ABCB5: variants seen among roughly 807,000 people sequenced by gnomAD.
The protein encoded by ABCB5 is ATP binding cassette subfamily B member 5, also known as ATP-binding cassette sub-family B member 5.
ABCB5 carries 155 observed loss-of-function variants against 144.2 expected under a neutral mutation model. The observed-to-expected ratio is 1.08, with a 90% CI of 0.94 to 1.23. ABCB5 has a LOEUF of 1.23. Among genes scored for constraint, ABCB5 ranks in the 50% most tolerant of loss-of-function variants. ABCB5 has a pLI of 0.00. For missense variants in ABCB5, 1,830 were observed against 1,520.8 expected, an observed-to-expected ratio of 1.20 and a Z score of -3.38; for synonymous variants, 610 against 528.6, an observed-to-expected ratio of 1.15 and a Z score of -2.11.
intron 15 of ABCB5, among the ~76,000 whole-genome samples, chr7:20,685,139 T>G (rs985914627): frequency 3.3e-5 from 5 of 152,210 alleles, no homozygotes; most frequent in Non-Finnish European, 5.9e-5. Flanking sequence ...GGGTGACGAC[T>G]GCACCTGGTC....
At chr7:20,685,951 A>T (rs1304255341) in intron 16 of ABCB5, 115 bp downstream of exon 16, 1 of 1,112,504 alleles carries the variant, frequency 9.0e-7, no homozygotes, top group Admixed American at 3.4e-5. Flanking sequence ...CACTAAGCTC[A>T]CAAAACATGT....
intron 20 of ABCB5, among the ~76,000 whole-genome samples, chr7:20,712,315 G>A (rs78059780): frequency 0.021 from 3,154 of 148,340 alleles, 277 homozygotes; most frequent in African/African-American, 0.07. Context: ...CTTTATCACT[G>A]ACTTTGAAAT....
Position 20,667,337 on chromosome 7 carries a change from A to G in ABCB5, c.1707+8661A>G, listed in dbSNP as rs151134174. 1.0e-5 allele frequency: 10 copies of G among 984,890 alleles called. No individual in the cohort carries two copies. In the African/African-American group the frequency reaches 1.7e-4, roughly 17 times the overall value. 61.0% of individuals were successfully genotyped at this position (984,890 alleles called of 1,614,324 possible). ...TATATATTAAAACACCTGTGAAGTG[A>G]ATCCCCTGTGAAGAAAAGAAGGTCT... On this transcript the variant is annotated intron_variant, in intron 14 of 27. Coordinates refer to ENST00000404938, the MANE Select transcript of ABCB5 (RefSeq NM_001163941.2).
chr7:20,709,880 A>AG, intron 20 of ABCB5, among the ~76,000 whole-genome samples: 1 of 145,632 alleles, frequency 6.9e-6, no homozygotes, highest in South Asian at 2.2e-4. Context: ...GTTAGACACC[A>AG]GGCTGCCAAC....
At chr7:20,621,151 G>C (rs974163855) in intron 1 of ABCB5, among the ~76,000 whole-genome samples, 10 of 152,062 alleles carry the variant, frequency 6.6e-5, no homozygotes, top group African/African-American at 2.4e-4. Flanking sequence ...AAAAAATATT[G>C]TATGATTCCA....
chr7:20,709,866 A>G (rs1002069686), intron 20 of ABCB5, among the ~76,000 whole-genome samples: 5 of 147,318 alleles, frequency 3.4e-5, no homozygotes, highest in Admixed American at 2.0e-4. Context: ...GGATCACCTG[A>G]GGTGTTAGAC....
rs1782689218 is a variant in ABCB5 at position 20,745,420 on chromosome 7, T to C, written c.3411T>C (p.Phe1137=). 2 of 1,614,198 alleles carry C rather than the reference T, an allele frequency of 1.2e-6. No homozygotes were observed. The highest frequency in any genetic ancestry group is 8.5e-7 in the Non-Finnish European group (1 of 1,180,046). Residue 1137 remains phenylalanine, a synonymous_variant, in exon 26 of 28, where the codon TTT becomes TTC. Transcript: ENST00000404938. ...EAANAANIHS[F]IEGLPEKYNT... is the part of the protein sequence containing the mutation. ...CAAATGCAGCAAATATCCATTCTTTTATTGAAGGTCTCCCTGAGGTAAGAA... is the reference window on the plus strand; with the variant it reads ...CAAATGCAGCAAATATCCATTCTTTCATTGAAGGTCTCCCTGAGGTAAGAA...
At chr7:20,669,728 A>AT (rs1785399636) in intron 14 of ABCB5, among the ~76,000 whole-genome samples, 1 of 109,458 alleles carries the variant, frequency 9.1e-6, no homozygotes, top group Non-Finnish European at 1.8e-5. Flanking sequence ...ATCAATAAAA[A>AT]AAAAAAAAAA....
intron 26 of ABCB5, 138 bp downstream of exon 26, chr7:20,745,576 C>A: frequency 1.1e-6 from 1 of 913,534 alleles, no homozygotes; most frequent in Non-Finnish European, 1.6e-6. Context: ...AGATGTAAAA[C>A]ATGAAGTCAG....
At chr7:20,656,192 T>TA (rs535311733) in intron 13 of ABCB5, among the ~76,000 whole-genome samples, 37 of 152,168 alleles carry the variant, frequency 2.4e-4, no homozygotes, top group African/African-American at 8.9e-4. Flanking sequence ...AATTAAAACT[T>TA]ACGAAAAAAT....
At chr7:20,708,702 A>C (rs541602830) in intron 20 of ABCB5, among the ~76,000 whole-genome samples, 1 of 152,336 alleles carries the variant, frequency 6.6e-6, no homozygotes, top group Admixed American at 6.5e-5. Flanking sequence ...ATGCATGATA[A>C]ATTCAATTAC....
intron 4 of ABCB5, among the ~76,000 whole-genome samples, chr7:20,629,516 C>G (rs1035363305): frequency 2.6e-5 from 4 of 152,050 alleles, no homozygotes; most frequent in Non-Finnish European, 5.9e-5. Context: ...TAATCCTGCA[C>G]TTTGGGAGGC....
chr7:20,619,204 C>A (rs1236428252), intron 1 of ABCB5, among the ~76,000 whole-genome samples: 1 of 151,952 alleles, frequency 6.6e-6, no homozygotes, highest in East Asian at 1.9e-4. Context: ...GATTTATTTT[C>A]CTTTGGAATT....
In ABCB5 at chr7:20,698,552, T is replaced by C; in HGVS notation, c.2154+2T>C. The stretch of plus-strand genomic sequence containing the variant: ...ATCATCTTTGCAAAAATTATAACCG[T>C]AAGTAAAATAAATTTGCTAATACTT... On this transcript the variant is annotated splice_donor_variant, in intron 17 of 27. Transcript: ENST00000404938. LOFTEE classifies it high-confidence loss of function. The C allele has an allele frequency of 6.3e-7, 1 of 1,586,336 alleles. No individual in the cohort carries two copies. The highest frequency in any genetic ancestry group is 8.5e-7 in the Non-Finnish European group (1 of 1,171,322).
intron 13 of ABCB5, 120 bp downstream of exon 13, chr7:20,651,743 G>T: frequency 1.9e-6 from 2 of 1,080,936 alleles, no homozygotes; most frequent in African/African-American, 1.6e-5. Context: ...ATTCTGGATT[G>T]TCCTAGAACA....
At chr7:20,625,066 T>A (rs1396998912) in intron 2 of ABCB5, among the ~76,000 whole-genome samples, 1 of 152,190 alleles carries the variant, frequency 6.6e-6, no homozygotes, top group East Asian at 1.9e-4. Context: ...ACAACTTTTA[T>A]CAAGAGAAGA....
intron 26 of ABCB5, among the ~76,000 whole-genome samples, chr7:20,749,959 A>C (rs1782865205): frequency 6.6e-6 from 1 of 152,248 alleles, no homozygotes; most frequent in Non-Finnish European, 1.5e-5. Context: ...GAGTATATAA[A>C]GCTATGGTAT....
chr7:20,628,083 T>C (rs1295476672), intron 3 of ABCB5, among the ~76,000 whole-genome samples: 1 of 152,192 alleles, frequency 6.6e-6, no homozygotes, highest in Non-Finnish European at 1.5e-5. Context: ...TATGTATACA[T>C]GTGCCATGTT....
Position 20,681,525 on chromosome 7 carries a change from A to C in ABCB5, c.1728A>C (p.Thr576=). Residue 576 remains threonine (T), a synonymous_variant, in exon 15 of 28, where the codon ACA becomes ACC. Coordinates refer to ENST00000404938, the MANE Select transcript of ABCB5 (RefSeq NM_001163941.2). The part of the protein sequence containing the change: ...ALEKASKGRT[T]IVVAHRLSTI... The stretch of plus-strand genomic sequence containing the variant: ...TGTAGGCGAGCAAAGGTCGGACTAC[A>C]ATCGTGGTAGCACACCGACTTTCTA... The C allele has an allele frequency of 6.2e-7, 1 of 1,614,224 alleles. No homozygotes were observed. Among genetic ancestry groups the C allele is most frequent in the East Asian group, 2.2e-5 (1 of 44,886 alleles).
Sources: gnomAD v4.1 joint callset for allele counts (sites outside exome capture counted in the v4.1 genomes callset) on GRCh38, gnomAD v4.1.1 for gene constraint, MANE v1.5 for transcripts, NCBI Gene and HGNC (gene_info 2026-07-23, HGNC 2026-07-21) for gene names.